GEMIN8: variants seen among roughly 807,000 people sequenced by gnomAD.
GEMIN8 encodes the protein gem nuclear organelle associated protein 8.
For missense variants in GEMIN8, 185 were observed against 205.9 expected (o/e 0.90, Z 0.62); for synonymous variants, 80 against 78.5 (o/e 1.02, Z -0.10).
At chrX:14,003,836 A>G (rs1002658527), downstream of GEMIN8, among the ~76,000 whole-genome samples, 2 of 112,505 alleles carry the variant, frequency 1.8e-5, no homozygotes, top group Non-Finnish European at 3.7e-5. Flanking sequence ...TGAGGCTTAT[A>G]GTAAGCTCTA....
chrX:14,003,272 C>G (rs756648973), downstream of GEMIN8, among the ~76,000 whole-genome samples: 4 of 112,477 alleles, frequency 3.6e-5, no homozygotes, highest in Admixed American at 9.4e-5. Flanking sequence ...TTGTTAGAAC[C>G]AGATTTCAGC....
At chrX:14,010,304 G>GT (rs1276190028) in intron 4 of GEMIN8, among the ~76,000 whole-genome samples, 1 of 111,485 alleles carries the variant, frequency 9.0e-6, no homozygotes, top group Admixed American at 9.5e-5. Flanking sequence ...CAACATAAAA[G>GT]TATCAGTAAG....
rs144898374 is a variant in GEMIN8, at chrX:14,009,096, G to C, written c.546C>G (p.Thr182=). Residue 182 remains threonine (T), a synonymous_variant, in exon 5 of 5, where the codon ACC becomes ACG. Coordinates refer to ENST00000680255, the MANE Select transcript of GEMIN8 (RefSeq NM_001042479.2). ...VNADHDLYCN[T]RRSVEAPTER... is the part of the protein sequence containing the mutation. Reference sequence around the variant, plus strand: ...CAGTTGGGGCTTCTACCGACCGGCGGGTGTTGCAGTACAGGTCGTGGTCAG... The same window carrying C: ...CAGTTGGGGCTTCTACCGACCGGCGCGTGTTGCAGTACAGGTCGTGGTCAG... The C allele has an allele frequency of 2.9e-5, 35 of 1,209,898 alleles. No homozygotes were observed. In the African/African-American group the frequency reaches 5.4e-4, roughly 19 times the overall value.
the GEMIN8 span, among the ~76,000 whole-genome samples, chrX:13,984,497 A>G: frequency 8.9e-6 from 1 of 112,034 alleles, no homozygotes; most frequent in Non-Finnish European, 1.9e-5. Flanking sequence ...TTCTTTACAT[A>G]TTGTCTATGA....
chrX:13,989,441 T>A, the GEMIN8 span, among the ~76,000 whole-genome samples: 1 of 112,146 alleles, frequency 8.9e-6, no homozygotes, highest in Non-Finnish European at 1.9e-5. Flanking sequence ...TTAGTGTTTT[T>A]AAAAAAATTG....
chrX:14,016,208 A>G (rs1923888831), intron 4 of GEMIN8, among the ~76,000 whole-genome samples: 1 of 112,300 alleles, frequency 8.9e-6, no homozygotes, highest in African/African-American at 3.2e-5. Context: ...GCATTCAGGG[A>G]AGGCTGTAGG....
chrX:14,018,073 G>T (rs1924053353), intron 4 of GEMIN8, among the ~76,000 whole-genome samples: 1 of 112,496 alleles, frequency 8.9e-6, no homozygotes, highest in South Asian at 3.7e-4. Flanking sequence ...AGCACTCTAT[G>T]GGTAAGATTT....
chrX:13,984,191 C>T, the GEMIN8 span, among the ~76,000 whole-genome samples: 3 of 111,414 alleles, frequency 2.7e-5, no homozygotes, highest in South Asian at 3.8e-4. Flanking sequence ...TAGATGAGAA[C>T]GTGGCTCAGC....
At chrX:13,994,382 G>A in the GEMIN8 span, among the ~76,000 whole-genome samples, 42 of 112,001 alleles carry the variant, frequency 3.7e-4, no homozygotes, top group Non-Finnish European at 6.2e-4. Flanking sequence ...TGGCCCCCGA[G>A]CTTCTCCTCC....
Position 14,009,092 on chromosome X carries a change from G to C in GEMIN8, c.550C>G (p.Arg184Gly). 24 of 1,211,319 alleles carry C rather than the reference G, an allele frequency of 2.0e-5. No individual in the cohort carries two copies. The highest frequency in any genetic ancestry group is 2.7e-5 in the Non-Finnish European group (24 of 894,758). Residue 184 changes from arginine to glycine, a missense_variant, in exon 5 of 5, where the codon CGG becomes GGG. By Grantham distance (125) the Arg-to-Gly change is moderately radical. Coordinates refer to ENST00000680255, the MANE Select transcript of GEMIN8 (RefSeq NM_001042479.2). ...CTCTCAGTTGGGGCTTCTACCGACC[G>C]GCGGGTGTTGCAGTACAGGTCGTGG... ...ADHDLYCNTRRSVEAPTERPG... is the reference protein window; with the variant it reads ...ADHDLYCNTRGSVEAPTERPG...
At chrX:14,000,335 G>A in the GEMIN8 span, among the ~76,000 whole-genome samples, 8 of 110,034 alleles carry the variant, frequency 7.3e-5, no homozygotes, top group Admixed American at 5.8e-4. Context: ...AGTGGCTCAC[G>A]CTTGTAATCC....
chrX:14,010,937 T>A (rs1275714340), intron 4 of GEMIN8, among the ~76,000 whole-genome samples: 3 of 112,626 alleles, frequency 2.7e-5, no homozygotes, highest in Non-Finnish European at 5.6e-5. Context: ...TATAAGTTGT[T>A]CAGTTCTCAC....
At chrX:14,006,123 G>A (rs1199891040), downstream of GEMIN8, among the ~76,000 whole-genome samples, 1 of 108,879 alleles carries the variant, frequency 9.2e-6, no homozygotes, top group Non-Finnish European at 1.9e-5. Flanking sequence ...CTGCCTCCTG[G>A]GTTCAAGCAA....
At chrX:14,014,822 CT>C (rs953589334) in intron 4 of GEMIN8, among the ~76,000 whole-genome samples, 1 of 110,662 alleles carries the variant, frequency 9.0e-6, no homozygotes, top group Non-Finnish European at 1.9e-5. Context: ...AAGAACAGCA[CT>C]TTGAGTGTCT....
At chrX:14,002,048 G>GAGGCGA (rs1371209487), downstream of GEMIN8, among the ~76,000 whole-genome samples, 1 of 99,502 alleles carries the variant, frequency 1.0e-5, no homozygotes, top group Non-Finnish European at 2.0e-5. Context: ...TTGAACCCAG[G>GAGGCGA]AGGCGAAGGT....
rs1924679277 is a variant in GEMIN8 at position 14,026,139 on chromosome X, C to A, written c.-34+1G>T. The A allele has an allele frequency of 5.4e-6, 4 of 746,361 alleles. No homozygotes were observed. The highest frequency in any genetic ancestry group is 6.3e-6 in the Non-Finnish European group (4 of 632,855). The allele number at this position is 746,361 out of a possible 1,213,427, so 61.5% of individuals were successfully genotyped here. On this transcript the variant is annotated splice_donor_variant, in intron 2 of 4. Coordinates refer to ENST00000680255, the MANE Select transcript of GEMIN8 (RefSeq NM_001042479.2). LOFTEE classifies it low-confidence loss of function (5UTR_SPLICE). ...CTTTAATTCGATCTTTCATTCCTCACCTCCCTGGGAATGTCTCCCACTCTT... is the reference window on the plus strand; with the variant it reads ...CTTTAATTCGATCTTTCATTCCTCAACTCCCTGGGAATGTCTCCCACTCTT...
intron 4 of GEMIN8, among the ~76,000 whole-genome samples, chrX:14,014,831 T>C (rs1295154835): frequency 9.0e-6 from 1 of 111,316 alleles, no homozygotes; most frequent in Non-Finnish European, 1.9e-5. Context: ...ACTTTGAGTG[T>C]CTAAGCCGGG....
intron 4 of GEMIN8, among the ~76,000 whole-genome samples, chrX:14,018,326 T>C (rs1455323747): frequency 8.9e-6 from 1 of 112,567 alleles, no homozygotes; most frequent in Non-Finnish European, 1.9e-5. Flanking sequence ...CTTTATTTTA[T>C]TCATATCCAC....
downstream of GEMIN8, among the ~76,000 whole-genome samples, chrX:14,005,826 T>C (rs760723763): frequency 2.7e-5 from 3 of 109,527 alleles, no homozygotes; most frequent in Non-Finnish European, 5.7e-5. Flanking sequence ...AATTGCTTGA[T>C]GTGTAGGGAA....
Sources: allele counts gnomAD v4.1 joint callset (sites outside exome capture counted in the v4.1 genomes callset), GRCh38; gene constraint gnomAD v4.1.1; transcripts MANE v1.5; gene names NCBI Gene and HGNC (gene_info 2026-07-23, HGNC 2026-07-21).